The following RBFOX3 variants were observed in gnomAD, a reference collection of about 807,000 sequenced individuals.
RBFOX3 encodes RNA binding fox-1 homolog 3.
Under a neutral mutation model 48.7 loss-of-function variants are expected in RBFOX3, and 17 were observed. The ratio of observed to expected loss-of-function variants is 0.35; its 90% confidence interval spans 0.24 to 0.52. The LOEUF is 0.52. RBFOX3 is among the 20% of genes least tolerant of loss of function. The probability of loss-of-function intolerance (pLI) is 0.94; values close to 1 mark genes in which losing one functional copy is unlikely to be tolerated. For synonymous variants in RBFOX3, 212 were observed against 209.5 expected (o/e 1.01, Z -0.10); for missense variants, 382 against 497.5 (o/e 0.77, Z 2.21).
chr17:79,101,368 G>A (rs187330802), intron 9 of RBFOX3, among the ~76,000 whole-genome samples: 31 of 152,296 alleles, frequency 2.0e-4, no homozygotes, highest in Non-Finnish European at 4.3e-4. Context: ...GACTGTATGG[G>A]GCCATGAGAG....
At chr17:79,207,217 T>A (rs1233601245) in intron 4 of RBFOX3, among the ~76,000 whole-genome samples, 5 of 152,226 alleles carry the variant, frequency 3.3e-5, no homozygotes, top group Non-Finnish European at 7.3e-5. Flanking sequence ...TGAAGAAGAT[T>A]ATCACCCATG....
At chr17:79,096,512 G>A (rs894097104) in intron 12 of RBFOX3, 141 bp downstream of exon 12, 20 of 712,946 alleles carry the variant, frequency 2.8e-5, no homozygotes, top group South Asian at 8.8e-5. Context: ...CTGGGCAGAC[G>A]TGGCACCCTC....
At chr17:79,624,619 A>G in the RBFOX3 span, among the ~76,000 whole-genome samples, 1,547 of 152,210 alleles carry the variant, frequency 0.01, 62 homozygotes, top group East Asian at 0.15. Context: ...GCACCACCTC[A>G]GTCCTCTGTC....
At chr17:79,200,162 C>CAAAAAAAAAAAAA (rs3046721) in intron 4 of RBFOX3, among the ~76,000 whole-genome samples, 1 of 110,980 alleles carries the variant, frequency 9.0e-6, no homozygotes, top group Non-Finnish European at 1.8e-5. Flanking sequence ...GACTCCGTCT[C>CAAAAAAAAAAAAA]AAAAAAAAAA....
At chr17:79,298,983 T>G (rs2074861362) in intron 3 of RBFOX3, among the ~76,000 whole-genome samples, 1 of 152,144 alleles carries the variant, frequency 6.6e-6, no homozygotes, top group South Asian at 2.1e-4. Context: ...GGCAGCCTGC[T>G]GATGCAAGGC....
chr17:79,366,990 C>A (rs1289910237), intron 2 of RBFOX3, among the ~76,000 whole-genome samples: 1 of 152,176 alleles, frequency 6.6e-6, no homozygotes, highest in African/African-American at 2.4e-5. Context: ...AAGGCCATGC[C>A]ATTTTGCCTC....
chr17:79,485,067 C>T (rs1012135654), intron 1 of RBFOX3, among the ~76,000 whole-genome samples: 1 of 147,964 alleles, frequency 6.8e-6, no homozygotes, highest in Non-Finnish European at 1.5e-5. Flanking sequence ...TCCAGGGAGA[C>T]TCCTGCCCCG....
chr17:79,466,748 A>G (rs1377217612), intron 2 of RBFOX3, among the ~76,000 whole-genome samples: 4 of 152,094 alleles, frequency 2.6e-5, no homozygotes, highest in African/African-American at 9.7e-5. Flanking sequence ...CTTGGTTGCT[A>G]TGGGGCCCAG....
chr17:79,320,000 GTCTGGGCTGCTGGTCCTT>G (rs1184631540), intron 2 of RBFOX3, among the ~76,000 whole-genome samples: 1 of 149,136 alleles, frequency 6.7e-6, no homozygotes, highest in Non-Finnish European at 1.5e-5. Context: ...TGCTGGTCCT[GTCTGGGCTGCTGGTCCTT>G]TCTGGGCTGC....
chr17:79,125,028 G>A (rs749999957), intron 4 of RBFOX3, among the ~76,000 whole-genome samples: 15 of 152,072 alleles, frequency 9.9e-5, no homozygotes, highest in Non-Finnish European at 4.4e-5. Context: ...CGCCAGTTCT[G>A]GGGTCCTGTG....
intron 3 of RBFOX3, among the ~76,000 whole-genome samples, chr17:79,240,201 C>G (rs1197535998): frequency 6.6e-6 from 1 of 152,352 alleles, no homozygotes; most frequent in East Asian, 1.9e-4. Flanking sequence ...AGAAATTAAA[C>G]TGGGGCTTGC....
chr17:79,415,229 C>T (rs577713919), intron 2 of RBFOX3, among the ~76,000 whole-genome samples: 10 of 152,328 alleles, frequency 6.6e-5, no homozygotes, highest in East Asian at 3.9e-4. Flanking sequence ...TCTTTGTATT[C>T]GTTTAAGCCC....
At chr17:79,194,384 A>T (rs2055127292) in intron 4 of RBFOX3, among the ~76,000 whole-genome samples, 1 of 152,102 alleles carries the variant, frequency 6.6e-6, no homozygotes, top group African/African-American at 2.4e-5. Context: ...AGGCGGGTGG[A>T]TCACTTGAGG....
In RBFOX3 at chr17:79,189,867, C is replaced by T. The variant is rs1335852335; in HGVS notation, c.-34+45899G>A. Among the ~76,000 whole-genome samples the T allele has an allele frequency of 2.6e-5, 4 of 152,222 alleles. No individual in the cohort carries two copies. The East Asian group carries it at 5.8e-4, about 22-fold the overall frequency. ...TTGCTTGGAGATGATGACTCCAGCT[C>T]GGACTGGGTATCCAGTGAAGTGCCC... On this transcript the variant is annotated intron_variant, in intron 4 of 14. Coordinates refer to ENST00000693108, the MANE Select transcript of RBFOX3 (RefSeq NM_001350451.2).
At chr17:79,623,431 T>C in the RBFOX3 span, among the ~76,000 whole-genome samples, 2 of 152,048 alleles carry the variant, frequency 1.3e-5, no homozygotes, top group Non-Finnish European at 2.9e-5. Context: ...AGGTTCCAGA[T>C]GGGATTGGGG....
the RBFOX3 span, among the ~76,000 whole-genome samples, chr17:79,651,754 T>TCTCTTTCC: frequency 1.5e-5 from 2 of 135,868 alleles, no homozygotes; most frequent in Non-Finnish European, 3.2e-5. Flanking sequence ...TCTGCCTTTC[T>TCTCTTTCC]CTCTGTCTCC....
intron 2 of RBFOX3, among the ~76,000 whole-genome samples, chr17:79,352,633 G>A (rs2084180665): frequency 6.6e-6 from 1 of 152,174 alleles, no homozygotes; most frequent in African/African-American, 2.4e-5. Context: ...AAAACTCCAT[G>A]ATGTCAGAGT....
intron 14 of RBFOX3, chr17:79,091,810 C>A (rs1428568581): frequency 5.6e-6 from 2 of 356,326 alleles, no homozygotes; most frequent in African/African-American, 4.4e-5. Flanking sequence ...TGCTAAGGGG[C>A]TCCCTGAGGA....
At chr17:79,570,665 C>G (rs1186188441) in intron 1 of RBFOX3, among the ~76,000 whole-genome samples, 8 of 152,194 alleles carry the variant, frequency 5.3e-5, no homozygotes, top group African/African-American at 1.9e-4. Flanking sequence ...GTCACCTGGA[C>G]AGCATTTCCA....
Sources: allele counts gnomAD v4.1 joint callset (sites outside exome capture counted in the v4.1 genomes callset), GRCh38; gene constraint gnomAD v4.1.1; transcripts MANE v1.5; gene names NCBI Gene and HGNC (gene_info 2026-07-23, HGNC 2026-07-21).